Variants in ALPK1 observed in about 807,000 individuals in gnomAD.
ALPK1 encodes alpha-protein kinase 1.
A neutral mutation model predicts 120.6 loss-of-function variants in ALPK1; 110 were observed. The ratio of observed to expected loss-of-function variants is 0.91; its 90% CI spans 0.78 to 1.07. The LOEUF (loss-of-function observed/expected upper bound fraction) is 1.07. ALPK1 is among the 50% of genes least tolerant of loss of function. The probability of loss-of-function intolerance (pLI) is 0.00; values close to 1 mark genes in which losing one functional copy is unlikely to be tolerated. For missense variants in ALPK1, 1,498 were observed against 1,483.9 expected (o/e 1.01, Z -0.16); for synonymous variants, 582 against 560.3 (o/e 1.04, Z -0.55).
intron 2 of ALPK1, among the ~76,000 whole-genome samples, chr4:112,353,758 A>T (rs1038903146): frequency 1.3e-5 from 2 of 152,120 alleles, no homozygotes; most frequent in African/African-American, 4.8e-5. Flanking sequence ...AATCCCAGCT[A>T]CTTGGGAAGC....
intron 5 of ALPK1, among the ~76,000 whole-genome samples, chr4:112,416,614 C>G (rs1267526304): frequency 6.6e-6 from 1 of 152,120 alleles, no homozygotes; most frequent in Non-Finnish European, 1.5e-5. Flanking sequence ...TGACTCACAC[C>G]TGTAATCCCA....
At chr4:112,308,529 G>GT (rs1459544063) in intron 1 of ALPK1, among the ~76,000 whole-genome samples, 1 of 151,932 alleles carries the variant, frequency 6.6e-6, no homozygotes, top group Non-Finnish European at 1.5e-5. Flanking sequence ...CTTTCTTCCA[G>GT]TTGATCGAAT....
chr4:112,319,851 G>A (rs138397708), intron 2 of ALPK1, among the ~76,000 whole-genome samples: 1 of 152,290 alleles, frequency 6.6e-6, no homozygotes, highest in African/African-American at 2.4e-5. Context: ...CTTGGTCACT[G>A]TTGATGTATA....
intron 11 of ALPK1, 25 bp downstream of exon 11, chr4:112,432,606 C>A (rs577392033): frequency 3.8e-6 from 6 of 1,590,076 alleles, no homozygotes; most frequent in Non-Finnish European, 5.1e-6. Context: ...TTCAATAGTT[C>A]CCCCCTCAGG....
intron 4 of ALPK1, among the ~76,000 whole-genome samples, chr4:112,409,460 T>G (rs551232115): frequency 6.6e-6 from 1 of 152,222 alleles, no homozygotes; most frequent in South Asian, 2.1e-4. Flanking sequence ...CCCTTAATTC[T>G]AATACAGGGT....
intron 5 of ALPK1, among the ~76,000 whole-genome samples, chr4:112,412,230 G>A (rs1164849135): frequency 6.6e-6 from 1 of 152,042 alleles, no homozygotes; most frequent in African/African-American, 2.4e-5. Context: ...GGGTTTCAGA[G>A]CCAAAAGCAG....
At chr4:112,356,015 A>C in intron 2 of ALPK1, 1 of 673,478 alleles carries the variant, frequency 1.5e-6, no homozygotes, top group Non-Finnish European at 2.7e-6. Flanking sequence ...CCCAGTGTGC[A>C]TGCTCGCATC....
At chr4:112,312,893 A>T (rs146411956) in intron 1 of ALPK1, among the ~76,000 whole-genome samples, 250 of 152,362 alleles carry the variant, frequency 1.6e-3, no homozygotes, top group African/African-American at 5.7e-3. Flanking sequence ...AGTGAACGGG[A>T]GGAAACCAAG....
At chr4:112,346,199 T>C (rs1485663038) in intron 2 of ALPK1, among the ~76,000 whole-genome samples, 2 of 152,234 alleles carry the variant, frequency 1.3e-5, no homozygotes, top group African/African-American at 4.8e-5. Flanking sequence ...ACACTACTTT[T>C]ATCCCACCTT....
intron 4 of ALPK1, among the ~76,000 whole-genome samples, chr4:112,391,998 A>G: frequency 6.6e-6 from 1 of 152,252 alleles, no homozygotes; most frequent in Non-Finnish European, 1.5e-5. Context: ...GTTCAATGGA[A>G]TATTTCAACA....
chr4:112,384,966 T>G (rs545847437), intron 4 of ALPK1: 1 of 152,314 alleles, frequency 6.6e-6, no homozygotes, highest in East Asian at 1.9e-4. Context: ...TAAAAGAACT[T>G]TACAAACCTT....
chr4:112,373,581 C>T (rs1357890277), intron 2 of ALPK1, among the ~76,000 whole-genome samples: 1 of 152,140 alleles, frequency 6.6e-6, no homozygotes, highest in Non-Finnish European at 1.5e-5. Flanking sequence ...TGCACAGAAG[C>T]AAGTATCACA....
At chr4:112,409,592 C>T (rs1002213907) in intron 4 of ALPK1, among the ~76,000 whole-genome samples, 3 of 152,020 alleles carry the variant, frequency 2.0e-5, no homozygotes, top group South Asian at 4.2e-4. Flanking sequence ...CCATGTAGGG[C>T]GGCTTACTAG....
At chr4:112,420,530 C>A (rs1159558226) in intron 5 of ALPK1, among the ~76,000 whole-genome samples, 1 of 152,136 alleles carries the variant, frequency 6.6e-6, no homozygotes, top group Non-Finnish European at 1.5e-5. Context: ...GACTTGTGAA[C>A]TAAAAGACAA....
intron 11 of ALPK1, 142 bp downstream of exon 11, chr4:112,432,723 A>G (rs1734629338): frequency 1.3e-6 from 1 of 787,476 alleles, no homozygotes; most frequent in East Asian, 2.6e-5. Context: ...AGAAATGTAT[A>G]CTTCAGGGGT....
intron 2 of ALPK1, among the ~76,000 whole-genome samples, chr4:112,350,089 A>G (rs962985748): frequency 1.2e-4 from 18 of 152,200 alleles, no homozygotes; most frequent in African/African-American, 4.1e-4. Flanking sequence ...CTGTTTATTG[A>G]TAATCAAGAC....
In ALPK1 at chr4:112,435,150, G is replaced by A. The variant is rs150804811; in HGVS notation, c.3037G>A (p.Ala1013Thr). Reference protein sequence around the residue: ...KPSQLHRAHSALLLKYSKKSE... With the variant: ...KPSQLHRAHSTLLLKYSKKSE... ...ATTTTCATCTTTTTTTTTCCCAGGTGCTCTTTTGTTAAAATATTCAAAAAA... is the reference window on the plus strand; with the variant it reads ...ATTTTCATCTTTTTTTTTCCCAGGTACTCTTTTGTTAAAATATTCAAAAAA... The change falls in exon 12 of 16, where the codon GCT becomes ACT. Residue 1013 changes from alanine to threonine, a missense_variant and splice_region_variant. Physicochemically the swap from Ala to Thr is moderately conservative, Grantham distance 58. Coordinates refer to ENST00000650871, the MANE Select transcript of ALPK1 (RefSeq NM_025144.4). 107 of 1,595,210 alleles carry A rather than the reference G, an allele frequency of 6.7e-5. No individual in the cohort carries two copies. In the African/African-American group the frequency reaches 1.1e-3, roughly 16 times the overall value.
At chr4:112,397,610 A>G (rs1732707567) in intron 4 of ALPK1, among the ~76,000 whole-genome samples, 1 of 152,118 alleles carries the variant, frequency 6.6e-6, no homozygotes, top group Non-Finnish European at 1.5e-5. Context: ...CTCTCCTATT[A>G]TATTGCTTTG....
intron 9 of ALPK1, 118 bp downstream of exon 9, chr4:112,427,783 C>G (rs913156184): frequency 7.0e-6 from 5 of 712,854 alleles, no homozygotes; most frequent in Non-Finnish European, 1.2e-5. Context: ...TGCTGCGCCT[C>G]CTAGACAAAT....
Sources: gnomAD v4.1 joint callset for allele counts (sites outside exome capture counted in the v4.1 genomes callset) on GRCh38, gnomAD v4.1.1 for gene constraint, MANE v1.5 for transcripts, NCBI Gene and HGNC (gene_info 2026-07-23, HGNC 2026-07-21) for gene names.